PHACTR1: variants seen among roughly 807,000 people sequenced by gnomAD.
The protein encoded by PHACTR1 is RPEL repeat containing 1.
PHACTR1 carries 16 observed loss-of-function variants against 69.2 expected under a neutral mutation model. The observed-to-expected ratio is 0.23, with a 90% CI of 0.16 to 0.35. PHACTR1 has a LOEUF of 0.35. PHACTR1 is among the 10% of genes least tolerant of loss of function. PHACTR1 has a pLI of 1.00. For missense variants in PHACTR1, 510 were observed against 734.7 expected, an observed-to-expected ratio of 0.69 and a Z score of 3.54; for synonymous variants, 312 against 284.5, an observed-to-expected ratio of 1.10 and a Z score of -0.97.
chr6:12,724,914 C>T (rs1191507794), intron 3 of PHACTR1, among the ~76,000 whole-genome samples: 1 of 152,142 alleles, frequency 6.6e-6, no homozygotes, highest in African/African-American at 2.4e-5. Context: ...ACTAGGCAAT[C>T]CTAGTGACTC....
At chr6:12,823,795 C>T (rs532037847) in intron 4 of PHACTR1, among the ~76,000 whole-genome samples, 13 of 152,280 alleles carry the variant, frequency 8.5e-5, no homozygotes, top group Middle Eastern at 3.4e-3. Flanking sequence ...AGTGTTAATT[C>T]ATCATATTCA....
intron 3 of PHACTR1, among the ~76,000 whole-genome samples, chr6:12,732,799 A>C (rs923791742): frequency 6.6e-6 from 1 of 152,228 alleles, no homozygotes; most frequent in African/African-American, 2.4e-5. Flanking sequence ...GAAGTAGTTC[A>C]TTCTAACTGA....
intron 4 of PHACTR1, among the ~76,000 whole-genome samples, chr6:12,997,784 C>G (rs1038332887): frequency 6.6e-6 from 1 of 152,112 alleles, no homozygotes; most frequent in Non-Finnish European, 1.5e-5. Context: ...GAAACCCCGT[C>G]TCTACTAAAA....
chr6:13,168,815 G>C (rs1300988261), intron 6 of PHACTR1, among the ~76,000 whole-genome samples: 1 of 152,142 alleles, frequency 6.6e-6, no homozygotes, highest in Non-Finnish European at 1.5e-5. Context: ...GAAGGGGTAA[G>C]AGTGCCCAGC....
At chr6:13,154,573 G>A (rs1377383410) in intron 5 of PHACTR1, among the ~76,000 whole-genome samples, 1 of 151,974 alleles carries the variant, frequency 6.6e-6, no homozygotes, top group Non-Finnish European at 1.5e-5. Context: ...AATAATATCT[G>A]CTCTCATGCT....
intron 4 of PHACTR1, chr6:12,933,689 C>T (rs879397767): frequency 1.2e-6 from 2 of 1,612,706 alleles, no homozygotes; most frequent in Non-Finnish European, 1.7e-6. Flanking sequence ...AGTGCCAACT[C>T]TTGGGCGTCC....
chr6:13,158,123 C>T (rs1758451535), intron 5 of PHACTR1, among the ~76,000 whole-genome samples: 2 of 152,140 alleles, frequency 1.3e-5, no homozygotes. Context: ...CTCAAATGAT[C>T]CACACACCTC....
chr6:12,726,392 G>A (rs938795919), intron 3 of PHACTR1, among the ~76,000 whole-genome samples: 1 of 152,214 alleles, frequency 6.6e-6, no homozygotes, highest in Non-Finnish European at 1.5e-5. Context: ...CAGAAAGCCA[G>A]CTCTGAGCTG....
At chr6:13,003,246 T>C (rs903131142) in intron 4 of PHACTR1, among the ~76,000 whole-genome samples, 2 of 152,240 alleles carry the variant, frequency 1.3e-5, no homozygotes, top group Non-Finnish European at 2.9e-5. Flanking sequence ...GTTGATTTAT[T>C]ATCTATAGAG....
At chr6:13,174,029 ATT>A (rs149463821) in intron 6 of PHACTR1, among the ~76,000 whole-genome samples, 1 of 150,754 alleles carries the variant, frequency 6.6e-6, no homozygotes, top group African/African-American at 2.4e-5. Flanking sequence ...TAATGAGTGG[ATT>A]TTTTTTTTCT....
chr6:12,894,246 G>A (rs1043100181), intron 4 of PHACTR1, among the ~76,000 whole-genome samples: 6 of 152,234 alleles, frequency 3.9e-5, no homozygotes, highest in Non-Finnish European at 7.3e-5. Context: ...GAGAATTAAT[G>A]TAATTATTTT....
chr6:13,130,510 A>C (rs1344900252), intron 5 of PHACTR1, among the ~76,000 whole-genome samples: 1 of 152,180 alleles, frequency 6.6e-6, no homozygotes. Context: ...ACAAAAGATT[A>C]TTCAAGGCTG....
At position 12,738,602 on chromosome 6, in the gene PHACTR1, C is replaced by T. The variant is rs183641036; in HGVS notation, c.104-11042C>T. 2.0e-5 allele frequency among the ~76,000 whole-genome samples: 3 copies of T among 152,296 alleles called. No homozygotes were observed. In the East Asian group the frequency reaches 5.8e-4, roughly 29 times the overall value. On this transcript the variant is annotated intron_variant, in intron 3 of 14. Coordinates refer to ENST00000332995, the MANE Select transcript of PHACTR1 (RefSeq NM_030948.6). ...GCCAGGCTGGGCATGGTGGCTCACTCCTGTAATCCTAGCACTTTGGGAGGC... is the reference window on the plus strand; with the variant it reads ...GCCAGGCTGGGCATGGTGGCTCACTTCTGTAATCCTAGCACTTTGGGAGGC...
chr6:13,073,225 C>CAAAAAAAAAAAAAA (rs58555118), intron 5 of PHACTR1, among the ~76,000 whole-genome samples: 4 of 119,702 alleles, frequency 3.3e-5, no homozygotes, highest in African/African-American at 1.4e-4. Flanking sequence ...ACAGGATTAA[C>CAAAAAAAAAAAAAA]AAAAAAAAAA....
intron 6 of PHACTR1, among the ~76,000 whole-genome samples, chr6:13,168,569 C>T (rs575294356): frequency 6.8e-4 from 104 of 152,260 alleles, no homozygotes; most frequent in Non-Finnish European, 1.2e-3. Context: ...GTCCTGATGA[C>T]GGGTTTAGTC....
intron 4 of PHACTR1, among the ~76,000 whole-genome samples, chr6:12,915,735 A>G (rs1177729608): frequency 6.6e-6 from 1 of 152,174 alleles, no homozygotes; most frequent in Admixed American, 6.5e-5. Flanking sequence ...GTTAGTTGCC[A>G]AATCTTGCTA....
chr6:12,997,709 C>T (rs978347529), intron 4 of PHACTR1, among the ~76,000 whole-genome samples: 2 of 152,170 alleles, frequency 1.3e-5, no homozygotes, highest in Non-Finnish European at 2.9e-5. Context: ...AATCTCAGCA[C>T]TTTGAGAGGC....
intron 6 of PHACTR1, among the ~76,000 whole-genome samples, chr6:13,170,783 T>C (rs565232942): frequency 1.2e-4 from 18 of 152,298 alleles, no homozygotes; most frequent in South Asian, 6.2e-4. Flanking sequence ...TGGTTTCTGA[T>C]TGAATATAAC....
chr6:12,740,311 C>T (rs1378271717), intron 3 of PHACTR1, among the ~76,000 whole-genome samples: 1 of 152,160 alleles, frequency 6.6e-6, no homozygotes, highest in Non-Finnish European at 1.5e-5. Context: ...TATGTTTACC[C>T]ATGTTTATGT....
Sources: allele counts gnomAD v4.1 joint callset (sites outside exome capture counted in the v4.1 genomes callset), GRCh38; gene constraint gnomAD v4.1.1; transcripts MANE v1.5; gene names NCBI Gene and HGNC (gene_info 2026-07-23, HGNC 2026-07-21).